The following LHFPL4 variants were observed in gnomAD, a reference collection of about 807,000 sequenced individuals.
LHFPL4 encodes the protein LHFPL tetraspan subfamily member 4.
LHFPL4 carries 6 observed loss-of-function variants against 20.0 expected under a neutral mutation model. The observed-to-expected ratio is 0.30, with a 90% CI of 0.16 to 0.59. The LOEUF is 0.59. Among genes scored for constraint, LHFPL4 ranks in the 20% least tolerant of loss-of-function variants. The probability of loss-of-function intolerance (pLI) is 0.88; values close to 1 mark genes in which losing one functional copy is unlikely to be tolerated. For synonymous variants in LHFPL4, 129 were observed against 143.8 expected, an observed-to-expected ratio of 0.90 and a Z score of 0.74; for missense variants, 215 against 331.2, an observed-to-expected ratio of 0.65 and a Z score of 2.72.
intron 2 of LHFPL4, among the ~76,000 whole-genome samples, chr3:9,539,843 A>G (rs927567978): frequency 6.6e-6 from 1 of 152,054 alleles, no homozygotes; most frequent in African/African-American, 2.4e-5. Context: ...TAACAATTAC[A>G]TATATAAAAG....
intron 2 of LHFPL4, among the ~76,000 whole-genome samples, chr3:9,551,548 T>C (rs2125669268): frequency 6.6e-6 from 1 of 152,296 alleles, no homozygotes; most frequent in South Asian, 2.1e-4. Flanking sequence ...ATGACTGTCT[T>C]GGTCAAACAT....
At chr3:9,540,892 A>G (rs907178886) in intron 2 of LHFPL4, among the ~76,000 whole-genome samples, 17 of 151,458 alleles carry the variant, frequency 1.1e-4, no homozygotes, top group African/African-American at 3.9e-4. Context: ...CCCTGTCTCA[A>G]AAAAAAATAA....
chr3:9,538,104 T>C (rs1401988129), intron 2 of LHFPL4, among the ~76,000 whole-genome samples: 1 of 152,096 alleles, frequency 6.6e-6, no homozygotes, highest in African/African-American at 2.4e-5. Flanking sequence ...AACACACCCA[T>C]TGGTCTTCTA....
At chr3:9,523,080 G>GAAAGAAAGAAAC (rs2046350084) in intron 2 of LHFPL4, among the ~76,000 whole-genome samples, 2 of 126,328 alleles carry the variant, frequency 1.6e-5, no homozygotes, top group African/African-American at 6.8e-5. Flanking sequence ...AGAAAAGGAA[G>GAAAGAAAGAAAC]AAAGAAAGAA....
chr3:9,505,032 T>A (rs573482555), intron 3 of LHFPL4, among the ~76,000 whole-genome samples: 2 of 152,222 alleles, frequency 1.3e-5, no homozygotes, highest in South Asian at 2.1e-4. Flanking sequence ...TGTGAGCTGC[T>A]CTGTGATGTG....
chr3:9,509,688 G>T (rs1178791166), intron 2 of LHFPL4, among the ~76,000 whole-genome samples: 1 of 152,240 alleles, frequency 6.6e-6, no homozygotes, highest in African/African-American at 2.4e-5. Context: ...GTTTCAGATG[G>T]TGGCTGTGGG....
intron 2 of LHFPL4, among the ~76,000 whole-genome samples, chr3:9,537,229 TG>T (rs1292240025): frequency 1.3e-5 from 2 of 152,186 alleles, no homozygotes; most frequent in Non-Finnish European, 2.9e-5. Context: ...GCTTGCACTC[TG>T]GCCACACTGC....
rs570805127 is a variant in LHFPL4 at position 9,518,194 on chromosome 3, A to C, written c.407-11991T>G. Among the ~76,000 whole-genome samples, 4 of 152,162 alleles carry C rather than the reference A, an allele frequency of 2.6e-5. No individual in the cohort carries two copies. In the East Asian group the frequency reaches 5.8e-4, roughly 22 times the overall value. On this transcript the variant is annotated intron_variant, in intron 2 of 3. Coordinates refer to ENST00000287585, the MANE Select transcript of LHFPL4 (RefSeq NM_198560.3). ...GTGATTTTCCTTCCTTAGTCTGTTTATGTGATCGATTACATTAATTGTTTT... is the reference window on the plus strand; with the variant it reads ...GTGATTTTCCTTCCTTAGTCTGTTTCTGTGATCGATTACATTAATTGTTTT...
intron 2 of LHFPL4, among the ~76,000 whole-genome samples, chr3:9,548,601 G>T (rs2046532700): frequency 6.6e-6 from 1 of 152,200 alleles, no homozygotes; most frequent in African/African-American, 2.4e-5. Context: ...GGGTTTCCAT[G>T]GCATTTCCAG....
At position 9,517,562 on chromosome 3, in the gene LHFPL4, G is replaced by A. The variant is rs112115438; in HGVS notation, c.407-11359C>T. ...TACCAAAAATGAAAAAATTTAGCCA[G>A]GTGTGGTGGCATGTTCCCAGCTACT... On this transcript the variant is annotated intron_variant, in intron 2 of 3. Coordinates refer to ENST00000287585, the MANE Select transcript of LHFPL4 (RefSeq NM_198560.3). Among the ~76,000 whole-genome samples, 194 of 151,836 alleles carry A rather than the reference G, an allele frequency of 1.3e-3. 1 individual carries two copies. Among genetic ancestry groups the A allele is most frequent in the South Asian group, 9.2e-3 (44 of 4,794 alleles).
intron 2 of LHFPL4, among the ~76,000 whole-genome samples, chr3:9,512,767 T>C (rs2046269864): frequency 6.6e-6 from 1 of 152,202 alleles, no homozygotes; most frequent in African/African-American, 2.4e-5. Context: ...CCATTTGTCT[T>C]CATCCATCTC....
rs140572327 is a variant in LHFPL4 at position 9,503,080 on chromosome 3, T to A, written c.644-769A>T. ...GTCTTGAACGTGTGGGCTCAAGCGA[T>A]CCTCCTGCCTCAGCCTGTAGCTGGG... On this transcript the variant is annotated intron_variant, in intron 3 of 3. Transcript: ENST00000287585. Among the ~76,000 whole-genome samples the A allele has an allele frequency of 6.3e-3, 957 of 152,200 alleles. 5 individuals carry two copies. Among genetic ancestry groups the A allele is most frequent in the Admixed American group, 0.011 (172 of 15,286 alleles).
intron 2 of LHFPL4, among the ~76,000 whole-genome samples, chr3:9,532,375 C>G (rs1271844193): frequency 6.6e-6 from 1 of 152,022 alleles, no homozygotes; most frequent in Non-Finnish European, 1.5e-5. Flanking sequence ...AGGTCTTGCT[C>G]TGTCACCCAG....
In LHFPL4 at chr3:9,506,231, C is replaced by T. The variant is rs777423971; in HGVS notation, c.407-28G>A. 3.8e-6 allele frequency: 6 copies of T among 1,564,012 alleles called. No homozygotes were observed. Among genetic ancestry groups the T allele is most frequent in the Middle Eastern group, 1.7e-4 (1 of 5,978 alleles). ...GAGGGGCAGAGCACCGGGCCCACCACCACGGTCAGGAAGGAAGAGAAAAGA... is the reference window on the plus strand; with the variant it reads ...GAGGGGCAGAGCACCGGGCCCACCATCACGGTCAGGAAGGAAGAGAAAAGA... On this transcript the variant is annotated intron_variant, in intron 2 of 3. Coordinates refer to ENST00000287585, the MANE Select transcript of LHFPL4 (RefSeq NM_198560.3). This position sits in a 1 kb window ranked among gnomAD's most constrained non-coding sequence, Gnocchi z 4.5.
intron 2 of LHFPL4, among the ~76,000 whole-genome samples, chr3:9,541,027 C>T (rs920638320): frequency 2.0e-5 from 3 of 151,998 alleles, no homozygotes; most frequent in African/African-American, 7.2e-5. Flanking sequence ...GCAACCTCTG[C>T]CTCCTGGGTT....
chr3:9,547,863 T>C (rs2046526222), intron 2 of LHFPL4, among the ~76,000 whole-genome samples: 1 of 152,136 alleles, frequency 6.6e-6, no homozygotes, highest in African/African-American at 2.4e-5. Flanking sequence ...TGGAGTGCAG[T>C]GGCATGATCA....
intron 2 of LHFPL4, among the ~76,000 whole-genome samples, chr3:9,548,405 C>G (rs762075844): frequency 6.6e-6 from 1 of 152,184 alleles, no homozygotes; most frequent in Non-Finnish European, 1.5e-5. Flanking sequence ...TCCTTCCTCT[C>G]CTCTCCTCAT....
chr3:9,553,096 T>C (rs1311202852), intron 1 of LHFPL4, among the ~76,000 whole-genome samples: 1 of 150,820 alleles, frequency 6.6e-6, no homozygotes, highest in Non-Finnish European at 1.5e-5. Flanking sequence ...GGCTGGAGAC[T>C]GGTGTTGGAG....
chr3:9,521,085 G>C (rs2046334465), intron 2 of LHFPL4, among the ~76,000 whole-genome samples: 1 of 152,004 alleles, frequency 6.6e-6, no homozygotes, highest in African/African-American at 2.4e-5. Flanking sequence ...TTGATGCTCT[G>C]TTGTTAGGCA....
Sources: gnomAD v4.1 joint callset for allele counts (sites outside exome capture counted in the v4.1 genomes callset) on GRCh38, gnomAD v4.1.1 for gene constraint, Gnocchi (gnomAD v3.1) non-coding constraint, MANE v1.5 for transcripts, NCBI Gene and HGNC (gene_info 2026-07-23, HGNC 2026-07-21) for gene names.